The following ADGRL4 variants were observed in gnomAD, a reference collection of about 807,000 sequenced individuals.
ADGRL4 encodes adhesion G protein-coupled receptor L4, also known as EGF, latrophilin and seven transmembrane domain containing 1.
ADGRL4 carries 90 observed loss-of-function variants against 74.8 expected under a neutral mutation model. The ratio of observed to expected loss-of-function variants is 1.20; its 90% confidence interval spans 1.02 to 1.43. ADGRL4 has a LOEUF of 1.43. Among genes scored for constraint, ADGRL4 ranks in the 40% most tolerant of loss-of-function variants. The probability of loss-of-function intolerance (pLI) is 0.00; values close to 1 mark genes in which losing one functional copy is unlikely to be tolerated. For missense variants in ADGRL4, 881 were observed against 814.3 expected (o/e 1.08, Z -1.00); for synonymous variants, 311 against 279.2 (o/e 1.11, Z -1.14).
At chr1:79,004,956 T>C in intron 2 of ADGRL4, 114 bp downstream of exon 2, 1 of 884,920 alleles carries the variant, frequency 1.1e-6, no homozygotes, top group Non-Finnish European at 1.6e-6. Context: ...TTTTAAATAG[T>C]ATGAAATTAA....
chr1:78,895,079 A>G (rs183764400), intron 12 of ADGRL4, among the ~76,000 whole-genome samples: 6 of 152,124 alleles, frequency 3.9e-5, no homozygotes, highest in Non-Finnish European at 7.4e-5. Context: ...ATGTTTACAT[A>G]CTTATAAAAC....
At chr1:78,894,728 G>A (rs1648358086) in intron 12 of ADGRL4, among the ~76,000 whole-genome samples, 1 of 151,500 alleles carries the variant, frequency 6.6e-6, no homozygotes, top group South Asian at 2.1e-4. Context: ...ACCCATTATT[G>A]GTTTGAAAAA....
intron 2 of ADGRL4, among the ~76,000 whole-genome samples, chr1:79,003,625 C>T (rs932900212): frequency 4.0e-5 from 6 of 151,692 alleles, no homozygotes; most frequent in African/African-American, 9.7e-5. Flanking sequence ...TCATTAGAAA[C>T]GTGATTATAA....
intron 2 of ADGRL4, among the ~76,000 whole-genome samples, chr1:78,979,840 T>G (rs183899417): frequency 9.3e-4 from 142 of 152,064 alleles, no homozygotes; most frequent in Middle Eastern, 3.4e-3. Flanking sequence ...AAATGAGAGA[T>G]AAGCTATGAG....
chr1:78,941,720 C>T (rs1279347897), intron 3 of ADGRL4, among the ~76,000 whole-genome samples: 3 of 150,788 alleles, frequency 2.0e-5, no homozygotes, highest in Admixed American at 6.6e-5. Flanking sequence ...GTGAATGTGC[C>T]TGTCATTTTG....
rs1013663353 is a variant in ADGRL4, at chr1:79,002,549, G to T, written c.172+2521C>A. Among the ~76,000 whole-genome samples the T allele has an allele frequency of 1.1e-4, 16 of 152,188 alleles. No individual in the cohort carries two copies. The East Asian group carries it at 2.5e-3, about 24-fold the overall frequency. ...GTTGACAAAGAAGAGCCATTGGCAG[G>T]TATTAAGTAGCCGAGTTACATGATA... On this transcript the variant is annotated intron_variant, in intron 2 of 14. Coordinates refer to ENST00000370742, the MANE Select transcript of ADGRL4 (RefSeq NM_022159.4).
intron 2 of ADGRL4, among the ~76,000 whole-genome samples, chr1:78,966,861 T>TTTTC (rs1303247045): frequency 6.7e-6 from 1 of 149,964 alleles, no homozygotes; most frequent in Non-Finnish European, 1.5e-5. Context: ...TTTTTTTTCT[T>TTTTC]TTTCTTTCTT....
Position 78,918,029 on chromosome 1 carries a change from C to T in ADGRL4, c.1483G>A (p.Gly495Arg), listed in dbSNP as rs759891297. The change falls in exon 11 of 15, where the codon GGA becomes AGA. Residue 495 changes from glycine to arginine, a missense_variant. Coordinates refer to ENST00000370742, the MANE Select transcript of ADGRL4 (RefSeq NM_022159.4). ...GCTAAAAAGAAGTAGTGTAGCAGTC[C>T]GGCAATGATTGAACAGAAGAGCTAG... The part of the protein sequence containing the change: ...TNKLFCSIIA[G>R]LLHYFFLAAF... 1.6e-5 allele frequency: 25 copies of T among 1,608,378 alleles called. No individual in the cohort carries two copies. Among genetic ancestry groups the T allele is most frequent in the African/African-American group, 2.7e-5 (2 of 74,252 alleles).
chr1:78,967,059 G>A (rs1408643378), intron 2 of ADGRL4, among the ~76,000 whole-genome samples: 3 of 152,054 alleles, frequency 2.0e-5, no homozygotes, highest in Non-Finnish European at 4.4e-5. Flanking sequence ...TGGCCTAAAG[G>A]AAGACAAGTG....
Position 78,964,099 on chromosome 1 carries a change from A to C in ADGRL4, c.173-17673T>G, listed in dbSNP as rs1329120325. ...TACATGATGCCTTATTTTCTGGAAC[A>C]GTGATCTGACCCAATCTGGGATGGT... On this transcript the variant is annotated intron_variant, in intron 2 of 14. Transcript: ENST00000370742. Among the ~76,000 whole-genome samples the C allele has an allele frequency of 2.6e-5, 4 of 152,308 alleles. No individual in the cohort carries two copies. In the South Asian group the frequency reaches 8.3e-4, roughly 32 times the overall value.
intron 3 of ADGRL4, 31 bp from the exon 4 acceptor site, chr1:78,939,289 A>T: frequency 1.3e-6 from 2 of 1,514,528 alleles, no homozygotes; most frequent in Non-Finnish European, 1.8e-6. Flanking sequence ...TTATACAGTC[A>T]GTTTTAAAAA....
At chr1:78,907,286 A>G (rs1648663609) in intron 12 of ADGRL4, among the ~76,000 whole-genome samples, 1 of 152,078 alleles carries the variant, frequency 6.6e-6, no homozygotes, top group African/African-American at 2.4e-5. Flanking sequence ...TCTCAAAATA[A>G]TCTTATGTCC....
At chr1:79,004,373 G>A (rs1173177181) in intron 2 of ADGRL4, among the ~76,000 whole-genome samples, 4 of 152,004 alleles carry the variant, frequency 2.6e-5, no homozygotes, top group Non-Finnish European at 5.9e-5. Context: ...TTGGGGGAGT[G>A]GAAGATTGGG....
chr1:78,956,761 A>G (rs988383742), intron 2 of ADGRL4, among the ~76,000 whole-genome samples: 6 of 152,194 alleles, frequency 3.9e-5, no homozygotes, highest in Admixed American at 6.6e-5. Flanking sequence ...AAACCCTTGT[A>G]AATAATGAGA....
intron 2 of ADGRL4, among the ~76,000 whole-genome samples, chr1:78,985,618 C>T (rs1230450880): frequency 6.6e-6 from 1 of 151,402 alleles, no homozygotes; most frequent in Non-Finnish European, 1.5e-5. Context: ...AGACAGAAAA[C>T]CAGGGACAAA....
chr1:78,945,764 G>A (rs1358161974), intron 3 of ADGRL4, among the ~76,000 whole-genome samples: 1 of 152,008 alleles, frequency 6.6e-6, no homozygotes, highest in African/African-American at 2.4e-5. Context: ...TCTGACTCTA[G>A]TGTTCAGAAA....
chr1:78,950,666 A>C (rs10157321), intron 2 of ADGRL4, among the ~76,000 whole-genome samples: 19,065 of 152,166 alleles, frequency 0.13, 1,263 homozygotes, highest in Middle Eastern at 0.16. Context: ...TGATAGCTAC[A>C]TGCAAATTTT....
At chr1:78,907,494 A>G (rs1196838386) in intron 12 of ADGRL4, among the ~76,000 whole-genome samples, 1 of 152,048 alleles carries the variant, frequency 6.6e-6, no homozygotes, top group Admixed American at 6.6e-5. Context: ...TCCTTTGAGA[A>G]GACAGATATT....
chr1:79,004,310 G>C (rs1209631900), intron 2 of ADGRL4, among the ~76,000 whole-genome samples: 1 of 151,796 alleles, frequency 6.6e-6, no homozygotes, highest in Non-Finnish European at 1.5e-5. Context: ...TTGGTCTATG[G>C]ATCCAGTTAA....
Sources: gnomAD v4.1 joint callset for allele counts (sites outside exome capture counted in the v4.1 genomes callset) on GRCh38, gnomAD v4.1.1 for gene constraint, MANE v1.5 for transcripts, NCBI Gene and HGNC (gene_info 2026-07-23, HGNC 2026-07-21) for gene names.